KANSL1: variants seen among roughly 807,000 people sequenced by gnomAD.
KANSL1 encodes KAT8 regulatory NSL complex subunit 1.
Under a neutral mutation model 103.6 loss-of-function variants are expected in KANSL1, and 22 were observed. The ratio of observed to expected loss-of-function variants is 0.21; its 90% CI spans 0.15 to 0.30. The LOEUF is 0.30. Ranked by LOEUF, KANSL1 falls within the 10% of genes least tolerant of loss-of-function variation. The pLI, the probability that KANSL1 is intolerant of heterozygous loss-of-function variation, is 1.00. For missense variants in KANSL1, 1,337 were observed against 1,399.8 expected, an observed-to-expected ratio of 0.96 and a Z score of 0.72; for synonymous variants, 600 against 527.6, an observed-to-expected ratio of 1.14 and a Z score of -1.88.
At chr17:46,150,284 T>A (rs2045019464) in intron 2 of KANSL1, among the ~76,000 whole-genome samples, 1 of 151,986 alleles carries the variant, frequency 6.6e-6, no homozygotes, top group African/African-American at 2.4e-5. Flanking sequence ...CACCTACATC[T>A]CCCTTGCTTC....
intron 7 of KANSL1, among the ~76,000 whole-genome samples, chr17:46,047,016 GT>G (rs61698635): frequency 0.019 from 2,915 of 152,234 alleles, 94 homozygotes; most frequent in African/African-American, 0.066. Context: ...AGAGGAAAAT[GT>G]TTTAGTGTTT....
intron 2 of KANSL1, among the ~76,000 whole-genome samples, chr17:46,143,624 G>A (rs915572559): frequency 1.5e-4 from 23 of 152,074 alleles, no homozygotes; most frequent in African/African-American, 5.6e-4. Flanking sequence ...TTAACACGGT[G>A]AAACCCTGTC....
intron 2 of KANSL1, among the ~76,000 whole-genome samples, chr17:46,141,157 C>T (rs1005639484): frequency 2.0e-5 from 3 of 151,996 alleles, no homozygotes; most frequent in Non-Finnish European, 2.9e-5. Flanking sequence ...AAGAACTAAA[C>T]ATTTTAAATT....
intron 2 of KANSL1, among the ~76,000 whole-genome samples, chr17:46,131,955 T>C (rs2147279280): frequency 6.6e-6 from 1 of 152,254 alleles, no homozygotes; most frequent in South Asian, 2.1e-4. Flanking sequence ...GGTGAAACTC[T>C]GTCTCTACTA....
intron 2 of KANSL1, among the ~76,000 whole-genome samples, chr17:46,126,990 G>A (rs771521358): frequency 5.3e-5 from 8 of 152,190 alleles, no homozygotes; most frequent in Non-Finnish European, 8.8e-5. Context: ...GGGATCCACA[G>A]GAAATTCAAC....
chr17:46,210,575 G>A (rs2048135080), intron 1 of KANSL1, among the ~76,000 whole-genome samples: 1 of 151,694 alleles, frequency 6.6e-6, no homozygotes, highest in Non-Finnish European at 1.5e-5. Flanking sequence ...ATTATAGGTA[G>A]ATGCTGAGGT....
chr17:46,039,370 T>C (rs1240365160), intron 8 of KANSL1, 155 bp from the exon 9 acceptor site: 1 of 688,804 alleles, frequency 1.5e-6, no homozygotes, highest in South Asian at 2.3e-5. Context: ...ATTTGCACAA[T>C]GGCTAGGATA....
intron 2 of KANSL1, among the ~76,000 whole-genome samples, chr17:46,158,411 T>C (rs1204215510): frequency 6.6e-6 from 1 of 150,378 alleles, no homozygotes; most frequent in African/African-American, 2.5e-5. Context: ...CCAGCTGGAG[T>C]GCGGTGGCAC....
At chr17:46,050,500 T>C in intron 7 of KANSL1, 33 bp downstream of exon 7, 1 of 1,600,748 alleles carries the variant, frequency 6.2e-7, no homozygotes, top group Non-Finnish European at 8.5e-7. Flanking sequence ...CAAGTTTCTT[T>C]CATTAGACTT....
intron 1 of KANSL1, among the ~76,000 whole-genome samples, chr17:46,202,301 A>T (rs1313993650): frequency 6.6e-6 from 1 of 152,262 alleles, no homozygotes; most frequent in Non-Finnish European, 1.5e-5. Context: ...GTACATGCAA[A>T]CATCCCAAAA....
intron 2 of KANSL1, among the ~76,000 whole-genome samples, chr17:46,149,394 A>T (rs913155766): frequency 6.6e-6 from 1 of 152,250 alleles, no homozygotes; most frequent in Non-Finnish European, 1.5e-5. Context: ...AACAACAATG[A>T]ACAGGATTTC....
intron 2 of KANSL1, among the ~76,000 whole-genome samples, chr17:46,111,699 GAAGA>G (rs1471705912): frequency 6.6e-6 from 1 of 152,180 alleles, no homozygotes; most frequent in Non-Finnish European, 1.5e-5. Context: ...TCAATTCTCA[GAAGA>G]AAGAACATTG....
At chr17:46,053,006 G>A (rs1006229832) in intron 6 of KANSL1, among the ~76,000 whole-genome samples, 2 of 101,440 alleles carry the variant, frequency 2.0e-5, no homozygotes, top group Admixed American at 2.3e-4. Flanking sequence ...AAAAAAAAAA[G>A]GCTGCGCATG....
At chr17:46,167,991 C>T (rs746107333) in intron 2 of KANSL1, among the ~76,000 whole-genome samples, 5 of 152,208 alleles carry the variant, frequency 3.3e-5, no homozygotes, top group Non-Finnish European at 7.3e-5. Context: ...TTCATCAGGG[C>T]TGCCTAGACG....
chr17:46,080,748 A>G (rs1386254290), intron 4 of KANSL1, among the ~76,000 whole-genome samples: 2 of 150,296 alleles, frequency 1.3e-5, no homozygotes, highest in Non-Finnish European at 3.0e-5. Context: ...TACTTTCTGA[A>G]CGCTTTTCAG....
chr17:46,145,140 T>C (rs780094727), intron 2 of KANSL1, among the ~76,000 whole-genome samples: 2 of 117,968 alleles, frequency 1.7e-5, no homozygotes, highest in Non-Finnish European at 3.7e-5. Flanking sequence ...ATATTCTGCT[T>C]TTAACCCGAT....
chr17:46,185,686 C>CACAT (rs1555583075), intron 1 of KANSL1, among the ~76,000 whole-genome samples: 1 of 95,978 alleles, frequency 1.0e-5, no homozygotes, highest in Non-Finnish European at 2.2e-5. Context: ...TATACACACA[C>CACAT]ATATATACAC....
chr17:46,091,225 T>C (rs2079375295), intron 3 of KANSL1, among the ~76,000 whole-genome samples: 1 of 152,228 alleles, frequency 6.6e-6, no homozygotes, highest in Non-Finnish European at 1.5e-5. Flanking sequence ...AAAATAAAAC[T>C]TTCATTTTAA....
At chr17:46,134,502 C>T (rs1025513574) in intron 2 of KANSL1, among the ~76,000 whole-genome samples, 1 of 152,084 alleles carries the variant, frequency 6.6e-6, no homozygotes, top group East Asian at 1.9e-4. Context: ...ATAGAGCTGA[C>T]CTGAAAATAT....
Sources: allele counts gnomAD v4.1 joint callset (sites outside exome capture counted in the v4.1 genomes callset), GRCh38; gene constraint gnomAD v4.1.1; transcripts MANE v1.5; gene names NCBI Gene and HGNC (gene_info 2026-07-23, HGNC 2026-07-21).